BCAS1: variants seen among roughly 807,000 people sequenced by gnomAD.
BCAS1 encodes the protein breast carcinoma-amplified sequence 1.
BCAS1 carries 46 observed loss-of-function variants against 65.4 expected under a neutral mutation model. That is an observed-to-expected ratio of 0.70 (90% CI 0.55 to 0.90). BCAS1 has a LOEUF of 0.90. Ranked by LOEUF, BCAS1 falls within the 40% of genes least tolerant of loss-of-function variation. BCAS1 has a pLI of 0.00. For synonymous variants in BCAS1, 298 were observed against 293.5 expected, an observed-to-expected ratio of 1.02 and a Z score of -0.16; for missense variants, 793 against 771.2, an observed-to-expected ratio of 1.03 and a Z score of -0.33.
chr20:54,024,693 C>T (rs953974340), intron 4 of BCAS1, among the ~76,000 whole-genome samples: 7 of 152,058 alleles, frequency 4.6e-5, no homozygotes, highest in African/African-American at 1.7e-4. Context: ...GGAAGAGTAC[C>T]AGGGAGGTGG....
chr20:53,987,398 G>A (rs1476666679), intron 7 of BCAS1, among the ~76,000 whole-genome samples: 1 of 152,170 alleles, frequency 6.6e-6, no homozygotes, highest in South Asian at 2.1e-4. Context: ...CATTACAAAC[G>A]TCCCAAACGC....
intron 3 of BCAS1, among the ~76,000 whole-genome samples, chr20:54,031,291 G>A (rs290457): frequency 0.33 from 49,986 of 151,076 alleles, 9,796 homozygotes; most frequent in South Asian, 0.43. Context: ...CAGGTATCTG[G>A]ACTAGACTTC....
intron 4 of BCAS1, among the ~76,000 whole-genome samples, chr20:53,999,367 G>A (rs775235838): frequency 1.2e-4 from 19 of 152,268 alleles, no homozygotes; most frequent in Non-Finnish European, 2.2e-4. Context: ...GATTGTGCAA[G>A]GCAAATTACA....
chr20:54,027,115 GTGTT>G (rs2091689288), intron 4 of BCAS1, among the ~76,000 whole-genome samples: 1 of 152,214 alleles, frequency 6.6e-6, no homozygotes, highest in Non-Finnish European at 1.5e-5. Flanking sequence ...TGGAAAGTGG[GTGTT>G]TGAAGGGAAA....
chr20:53,993,404 AC>A (rs1404941105), intron 6 of BCAS1, among the ~76,000 whole-genome samples: 1 of 152,226 alleles, frequency 6.6e-6, no homozygotes, highest in Non-Finnish European at 1.5e-5. Context: ...AGGTATGAGA[AC>A]CAGGTTTGTA....
At chr20:54,007,117 G>A (rs543008274) in intron 4 of BCAS1, among the ~76,000 whole-genome samples, 30 of 152,260 alleles carry the variant, frequency 2.0e-4, no homozygotes, top group African/African-American at 7.0e-4. Flanking sequence ...GAGCTACTCC[G>A]GTCTGACAGC....
chr20:54,021,167 C>A (rs1018249894), intron 4 of BCAS1, among the ~76,000 whole-genome samples: 3 of 152,122 alleles, frequency 2.0e-5, no homozygotes, highest in African/African-American at 7.2e-5. Context: ...CACCTTGACA[C>A]AGACACGTGA....
intron 4 of BCAS1, among the ~76,000 whole-genome samples, chr20:54,023,450 A>T (rs2091604695): frequency 6.6e-6 from 1 of 152,234 alleles, no homozygotes; most frequent in Non-Finnish European, 1.5e-5. Context: ...TTTCTACAAA[A>T]TGATTTAATC....
At chr20:53,993,654 C>T (rs1022096400) in intron 6 of BCAS1, among the ~76,000 whole-genome samples, 2 of 152,208 alleles carry the variant, frequency 1.3e-5, no homozygotes, top group Non-Finnish European at 2.9e-5. Flanking sequence ...CCATACTCCA[C>T]TGTTTAGAGC....
chr20:53,968,092 C>T (rs941115861), intron 9 of BCAS1, among the ~76,000 whole-genome samples: 1 of 152,154 alleles, frequency 6.6e-6, no homozygotes, highest in African/African-American at 2.4e-5. Flanking sequence ...CTCCTGGGCT[C>T]GAGTGATCCT....
At position 54,058,115 on chromosome 20, in the gene BCAS1, A is replaced by G; in HGVS notation, c.112T>C (p.Ser38Pro). 6.2e-7 allele frequency: 1 copy of G among 1,613,816 alleles called. No homozygotes were observed. Among genetic ancestry groups the G allele is most frequent in the Non-Finnish European group, 8.5e-7 (1 of 1,179,958 alleles). ...SALNGVPVVVSTHTVQHLEEV... is the reference protein window; with the variant it reads ...SALNGVPVVVPTHTVQHLEEV... ...TCTAAGTGCTGAACTGTGTGGGTCG[A>G]CACCACCACTGGAACCCCGTTCAGA... Residue 38 changes from serine (S) to proline (P), a missense_variant, in exon 3 of 13, where the codon TCG becomes CCG. By Grantham distance (74) the Ser-to-Pro change is moderately conservative. Coordinates refer to ENST00000688948, the MANE Select transcript of BCAS1 (RefSeq NM_001366298.2).
chr20:54,018,227 A>C (rs954668793), intron 4 of BCAS1, among the ~76,000 whole-genome samples: 1 of 152,066 alleles, frequency 6.6e-6, no homozygotes, highest in Non-Finnish European at 1.5e-5. Flanking sequence ...GCTCTTTCTA[A>C]ACTCTGGAAG....
At chr20:54,049,732 C>T (rs16998840) in intron 3 of BCAS1, among the ~76,000 whole-genome samples, 4,637 of 152,210 alleles carry the variant, frequency 0.03, 144 homozygotes, top group African/African-American at 0.087. Flanking sequence ...TAGTTTTGCC[C>T]GGACTCCTTT....
intron 9 of BCAS1, among the ~76,000 whole-genome samples, chr20:53,971,338 C>A (rs1452524046): frequency 6.6e-6 from 1 of 152,196 alleles, no homozygotes; most frequent in Non-Finnish European, 1.5e-5. Flanking sequence ...CTACTGACCT[C>A]AGCAGGAAGA....
At chr20:53,973,687 G>A (rs1209323563) in intron 9 of BCAS1, among the ~76,000 whole-genome samples, 1 of 152,186 alleles carries the variant, frequency 6.6e-6, no homozygotes, top group Non-Finnish European at 1.5e-5. Flanking sequence ...AGTCCTCCTT[G>A]TAGGTTGCGG....
intron 3 of BCAS1, among the ~76,000 whole-genome samples, chr20:54,044,554 C>T (rs567583494): frequency 1.1e-4 from 16 of 152,258 alleles, no homozygotes; most frequent in Non-Finnish European, 1.8e-4. Context: ...AAGAAATTTT[C>T]CGGCCGGGCG....
At chr20:54,020,719 A>T (rs76536638) in intron 4 of BCAS1, among the ~76,000 whole-genome samples, 116 of 152,354 alleles carry the variant, frequency 7.6e-4, no homozygotes, top group African/African-American at 2.7e-3. Flanking sequence ...AAGTGGTCAG[A>T]TAACAGAACA....
chr20:54,037,216 A>G (rs113504845), intron 3 of BCAS1, among the ~76,000 whole-genome samples: 8,797 of 151,416 alleles, frequency 0.058, 589 homozygotes, highest in African/African-American at 0.13. Flanking sequence ...CAGGAAACTT[A>G]CAATCATGGT....
At chr20:54,047,349 C>A (rs557830153) in intron 3 of BCAS1, among the ~76,000 whole-genome samples, 1 of 152,306 alleles carries the variant, frequency 6.6e-6, no homozygotes, top group East Asian at 1.9e-4. Context: ...GGGGACTACA[C>A]AGGGGTGTGA....
Sources: allele counts gnomAD v4.1 joint callset (sites outside exome capture counted in the v4.1 genomes callset), GRCh38; gene constraint gnomAD v4.1.1; transcripts MANE v1.5; gene names NCBI Gene and HGNC (gene_info 2026-07-23, HGNC 2026-07-21).